The following ARMC2 variants were observed in gnomAD, a reference collection of about 807,000 sequenced individuals.
The protein encoded by ARMC2 is armadillo repeat containing 2.
A neutral mutation model predicts 90.3 loss-of-function variants in ARMC2; 67 were observed. That is an observed-to-expected ratio of 0.74 (90% CI 0.61 to 0.91). The LOEUF is 0.91. Ranked by LOEUF, ARMC2 falls within the 40% of genes least tolerant of loss-of-function variation. The pLI is 0.00. For missense variants in ARMC2, 920 were observed against 1,030.9 expected, an observed-to-expected ratio of 0.89 and a Z score of 1.47; for synonymous variants, 393 against 393.0, an observed-to-expected ratio of 1.00 and a Z score of 0.00.
In ARMC2 at chr6:108,898,518, A is replaced by G. The variant is rs550805297; in HGVS notation, c.749-1176A>G. ...GAATACATCTCAGGACTATTCAGTA[A>G]TGCCTCAGCACAGCAAAGCCACCTC... is the stretch of plus-strand genomic sequence containing the variant. On this transcript the variant is annotated intron_variant, in intron 6 of 17. Coordinates refer to ENST00000392644, the MANE Select transcript of ARMC2 (RefSeq NM_032131.6). Among the ~76,000 whole-genome samples, 33 of 152,358 alleles carry G rather than the reference A, an allele frequency of 2.2e-4. No homozygotes were observed. In the East Asian group the frequency reaches 4.6e-3, roughly 21 times the overall value.
chr6:108,947,419 C>G (rs538322215), intron 12 of ARMC2, among the ~76,000 whole-genome samples: 6 of 152,144 alleles, frequency 3.9e-5, no homozygotes, highest in African/African-American at 1.4e-4. Flanking sequence ...TTCAACATCT[C>G]TAAATAGGGG....
the ARMC2 span, among the ~76,000 whole-genome samples, chr6:109,020,681 T>A: frequency 6.6e-6 from 1 of 152,208 alleles, no homozygotes; most frequent in South Asian, 2.1e-4. Context: ...TTTCAAGAGT[T>A]ACAGATTTCA....
the ARMC2 span, among the ~76,000 whole-genome samples, chr6:109,006,370 G>A: frequency 6.6e-5 from 10 of 152,070 alleles, no homozygotes; most frequent in Non-Finnish European, 8.8e-5. Context: ...ACATATGTAT[G>A]CATGTGCCAT....
Position 108,894,543 on chromosome 6 carries a change from G to A in ARMC2, c.748G>A (p.Val250Ile). The A allele has an allele frequency of 1.9e-6, 3 of 1,597,410 alleles. No homozygotes were observed. The highest frequency in any genetic ancestry group is 2.6e-6 in the Non-Finnish European group (3 of 1,173,516). The change falls in exon 6 of 18, where the codon GTC (valine) becomes ATC (isoleucine). Residue 250 changes from valine (V) to isoleucine (I), a missense_variant and splice_region_variant. Coordinates refer to ENST00000392644, the MANE Select transcript of ARMC2 (RefSeq NM_032131.6). ...SDLSRLQTKA[V>I]PKADLQEEDA... Reference sequence around the variant, plus strand: ...CCTGAGCAGGCTGCAAACCAAAGCAGGTGAGGGGTCCCCACACTCCTTCAT... The same window carrying A: ...CCTGAGCAGGCTGCAAACCAAAGCAAGTGAGGGGTCCCCACACTCCTTCAT...
At chr6:109,011,684 A>G in the ARMC2 span, among the ~76,000 whole-genome samples, 1 of 148,810 alleles carries the variant, frequency 6.7e-6, no homozygotes, top group African/African-American at 2.5e-5. Flanking sequence ...GGATGAGTGC[A>G]GTGGCATTAT....
chr6:108,908,937 G>A (rs1280733524), intron 8 of ARMC2, among the ~76,000 whole-genome samples: 1 of 152,168 alleles, frequency 6.6e-6, no homozygotes, highest in Non-Finnish European at 1.5e-5. Context: ...AGTCATGGTG[G>A]CATGTGCCTG....
At chr6:108,877,908 A>G (rs1430833590) in intron 5 of ARMC2, among the ~76,000 whole-genome samples, 3 of 152,210 alleles carry the variant, frequency 2.0e-5, no homozygotes, top group African/African-American at 7.2e-5. Context: ...GGCATTGGCA[A>G]TAGCACTAAT....
the ARMC2 span, among the ~76,000 whole-genome samples, chr6:109,021,066 T>C: frequency 6.6e-6 from 1 of 152,180 alleles, no homozygotes. Flanking sequence ...TGATCATGGC[T>C]CACAGCAGCC....
At chr6:109,047,323 C>T in the ARMC2 span, among the ~76,000 whole-genome samples, 192 of 71,780 alleles carry the variant, frequency 2.7e-3, no homozygotes, top group African/African-American at 9.6e-3. Context: ...CCCGGCCAGC[C>T]GCCCCGTCCG....
At chr6:108,903,782 C>G (rs2128464345) in intron 7 of ARMC2, among the ~76,000 whole-genome samples, 1 of 152,106 alleles carries the variant, frequency 6.6e-6, no homozygotes, top group African/African-American at 2.4e-5. Flanking sequence ...ATAAACAGAG[C>G]CTCGAAGGAC....
chr6:108,952,495 A>G (rs2768549), intron 12 of ARMC2, among the ~76,000 whole-genome samples: 115,556 of 151,832 alleles, frequency 0.76, 44,194 homozygotes, highest in East Asian at 0.88. Flanking sequence ...ACATCTGGAG[A>G]GGTGTTGTCA....
the ARMC2 span, among the ~76,000 whole-genome samples, chr6:109,013,631 G>A: frequency 6.6e-6 from 1 of 152,276 alleles, no homozygotes; most frequent in African/African-American, 2.4e-5. Context: ...CTATAGATTT[G>A]CACATCTCCT....
intron 7 of ARMC2, 144 bp from the exon 8 acceptor site, chr6:108,904,086 A>G (rs916328918): frequency 3.7e-5 from 35 of 936,056 alleles, no homozygotes; most frequent in African/African-American, 6.7e-5. Flanking sequence ...TGGAAGTGAT[A>G]AGATAAGAAA....
chr6:108,899,643 T>C, intron 6 of ARMC2, 51 bp from the exon 7 acceptor site: 1 of 1,406,000 alleles, frequency 7.1e-7, no homozygotes, highest in Non-Finnish European at 1.0e-6. Context: ...CCATGCTTCA[T>C]GACAACTCCT....
chr6:108,878,917 C>T (rs552903152), intron 5 of ARMC2, among the ~76,000 whole-genome samples: 1 of 152,142 alleles, frequency 6.6e-6, no homozygotes, highest in African/African-American at 2.4e-5. Context: ...ATCTACCTAT[C>T]CAGCCATCGA....
At chr6:109,009,700 G>T in the ARMC2 span, 2 of 340,208 alleles carry the variant, frequency 5.9e-6, no homozygotes, top group African/African-American at 2.2e-5. Context: ...GGAACTGGCG[G>T]TCTGACGCGG....
Position 108,868,883 on chromosome 6 carries a change from G to T in ARMC2, c.351G>T (p.Lys117Asn). The change falls in exon 4 of 18, where the codon AAG (lysine) becomes AAT (asparagine). Residue 117 changes from lysine to asparagine, a missense_variant. Lys to Asn is a moderately conservative substitution (Grantham distance 94). Transcript: ENST00000392644. ...REEDSCFSFP[K>N]PPVDPAKIRR... ...AGGATTCCTGCTTTTCCTTTCCTAA[G>T]CCCCCAGTGGACCCTGCGAAGATTA... The T allele has an allele frequency of 6.2e-7, 1 of 1,613,884 alleles. No individual in the cohort carries two copies. Among genetic ancestry groups the T allele is most frequent in the Non-Finnish European group, 8.5e-7 (1 of 1,179,858 alleles).
At chr6:108,968,332 T>C (rs750727416) in intron 17 of ARMC2, among the ~76,000 whole-genome samples, 1 of 152,234 alleles carries the variant, frequency 6.6e-6, no homozygotes, top group Non-Finnish European at 1.5e-5. Flanking sequence ...AACAAACAAC[T>C]AGCCTTGTGT....
At position 108,848,561 on chromosome 6, in the gene ARMC2, G is replaced by C. The variant is rs143908301; in HGVS notation, c.-44+15G>C. 74 of 152,446 alleles carry C rather than the reference G, an allele frequency of 4.9e-4. No individual in the cohort carries two copies. The highest frequency in any genetic ancestry group is 1.7e-3 in the African/African-American group (69 of 41,592). 9.4% of individuals were successfully genotyped at this position (152,446 alleles called of 1,614,324 possible). A position where few individuals can be genotyped will look rare whatever the true frequency, so the allele number is the denominator to read the frequency against. The stretch of plus-strand genomic sequence containing the variant: ...GCTCATCACAGGTGCTTTGGGTCAG[G>C]TCGGAAGCCTCCTTCCCTGAGCCCT... On this transcript the variant is annotated intron_variant, in intron 1 of 17. Coordinates refer to ENST00000392644, the MANE Select transcript of ARMC2 (RefSeq NM_032131.6).
Sources: allele counts gnomAD v4.1 joint callset (sites outside exome capture counted in the v4.1 genomes callset), GRCh38; gene constraint gnomAD v4.1.1; transcripts MANE v1.5; gene names NCBI Gene and HGNC (gene_info 2026-07-23, HGNC 2026-07-21).